RASGRF1: variants seen among roughly 807,000 people sequenced by gnomAD.
The protein encoded by RASGRF1 is Ras protein specific guanine nucleotide releasing factor 1, also known as ras-specific guanine nucleotide-releasing factor 1.
RASGRF1 carries 40 observed loss-of-function variants against 138.7 expected under a neutral mutation model. The observed-to-expected ratio is 0.29, with a 90% CI of 0.22 to 0.38. The LOEUF is 0.38. Among genes scored for constraint, RASGRF1 ranks in the 10% least tolerant of loss-of-function variants. The pLI is 1.00. For synonymous variants in RASGRF1, 614 were observed against 663.2 expected (o/e 0.93, Z 1.14); for missense variants, 1,108 against 1,650.4 (o/e 0.67, Z 5.69).
intron 26 of RASGRF1, among the ~76,000 whole-genome samples, chr15:78,965,516 T>C (rs962412808): frequency 6.6e-6 from 1 of 152,196 alleles, no homozygotes; most frequent in Admixed American, 6.5e-5. Context: ...GGTTGTCATA[T>C]TTAATCATCA....
At chr15:78,968,843 C>T (rs930078160) in intron 26 of RASGRF1, among the ~76,000 whole-genome samples, 3 of 152,150 alleles carry the variant, frequency 2.0e-5, no homozygotes, top group African/African-American at 4.8e-5. Context: ...GCAAGAATCC[C>T]CCCACCTTGA....
chr15:79,044,562 T>C (rs922686333), intron 5 of RASGRF1, among the ~76,000 whole-genome samples: 3 of 152,212 alleles, frequency 2.0e-5, no homozygotes, highest in Admixed American at 6.5e-5. Flanking sequence ...TACCAACCCA[T>C]TCCTTCCATC....
At chr15:79,021,699 G>A (rs1183193897) in intron 10 of RASGRF1, among the ~76,000 whole-genome samples, 2 of 152,218 alleles carry the variant, frequency 1.3e-5, no homozygotes, top group Non-Finnish European at 1.5e-5. Flanking sequence ...GAGCCAGACT[G>A]GCTGGGTTCA....
chr15:78,972,054 G>A (rs1320224512), intron 25 of RASGRF1, 120 bp from the exon 26 acceptor site: 4 of 878,118 alleles, frequency 4.6e-6, no homozygotes, highest in Non-Finnish European at 7.8e-6. Context: ...TTCCATACAT[G>A]TTGCCTCCTG....
intron 12 of RASGRF1, 50 bp downstream of exon 12, chr15:79,017,720 G>C (rs1466699892): frequency 1.6e-5 from 25 of 1,554,248 alleles, no homozygotes; most frequent in Non-Finnish European, 2.1e-5. Context: ...CCCTGACCTG[G>C]TTAGGCATGA....
chr15:78,966,783 A>G (rs936444123), intron 26 of RASGRF1, among the ~76,000 whole-genome samples: 1 of 152,280 alleles, frequency 6.6e-6, no homozygotes, highest in African/African-American at 2.4e-5. Context: ...TGCAGCAGCC[A>G]TTAGCCACGT....
intron 24 of RASGRF1, among the ~76,000 whole-genome samples, chr15:78,974,857 G>A (rs2055841908): frequency 6.6e-6 from 1 of 152,134 alleles, no homozygotes. Context: ...AAGTAAGCTG[G>A]TTTTCCATTT....
At chr15:79,020,143 T>C in intron 10 of RASGRF1, 39 bp from the exon 11 acceptor site, 1 of 1,599,586 alleles carries the variant, frequency 6.3e-7, no homozygotes, top group Non-Finnish European at 8.6e-7. Flanking sequence ...GATTGAGGGG[T>C]AGATATGCTG....
At chr15:79,048,124 G>A (rs534311642) in intron 4 of RASGRF1, among the ~76,000 whole-genome samples, 1 of 152,300 alleles carries the variant, frequency 6.6e-6, no homozygotes, top group Admixed American at 6.5e-5. Context: ...GGGTGAGCTG[G>A]GAAGCTCACT....
At position 78,998,120 on chromosome 15, in the gene RASGRF1, C is replaced by G. The variant is rs753179886; in HGVS notation, c.2942G>C (p.Arg981Pro). The G allele has an allele frequency of 1.2e-6, 2 of 1,613,956 alleles. No homozygotes were observed. Among genetic ancestry groups the G allele is most frequent in the Non-Finnish European group, 1.7e-6 (2 of 1,179,924 alleles). The stretch of plus-strand genomic sequence containing the variant: ...CCTGATGATGTTGGCTGCAGCCTTC[C>G]GCTCCTGGGTCAGGAGCTCCGGGTC... ...MHDPELLTQE[R>P]KAAANIIRTL... The change falls in exon 19 of 27, where the codon CGG (arginine) becomes CCG (proline). Residue 981 changes from arginine to proline, a missense_variant. Coordinates refer to ENST00000558480, the MANE Select transcript of RASGRF1 (RefSeq NM_001145648.3).
intron 24 of RASGRF1, among the ~76,000 whole-genome samples, chr15:78,979,485 C>T (rs1019335139): frequency 1.3e-5 from 2 of 152,138 alleles, no homozygotes; most frequent in African/African-American, 2.4e-5. Context: ...GAACCGGGAC[C>T]CCAGGGATCT....
chr15:79,085,692 G>T (rs1157014397), intron 1 of RASGRF1, among the ~76,000 whole-genome samples: 1 of 152,142 alleles, frequency 6.6e-6, no homozygotes, highest in African/African-American at 2.4e-5. Context: ...AGAGTCCCAG[G>T]CTCTTCAGGA....
chr15:78,968,878 C>T lies in RASGRF1; in HGVS notation c.3681+2988G>A, dbSNP rs185123061. ...ATATCTGCTCAAATTCTTCATTCTC[C>T]ACCCCTGATACCCGAAGTCTTTGGC... On this transcript the variant is annotated intron_variant, in intron 26 of 26. Coordinates refer to ENST00000558480, the MANE Select transcript of RASGRF1 (RefSeq NM_001145648.3). Among the ~76,000 whole-genome samples, 189 of 152,272 alleles carry T rather than the reference C, an allele frequency of 1.2e-3. 1 individual carries two copies. The highest frequency in any genetic ancestry group is 4.2e-3 in the African/African-American group (174 of 41,544).
intron 24 of RASGRF1, among the ~76,000 whole-genome samples, chr15:78,976,218 G>A (rs781500452): frequency 4.6e-5 from 7 of 152,082 alleles, no homozygotes; most frequent in Non-Finnish European, 1.0e-4. Flanking sequence ...TGGTGGATTT[G>A]CAATCGAATC....
In RASGRF1 at chr15:78,998,126, T is replaced by C. The variant is rs1450896371; in HGVS notation, c.2936A>G (p.Gln979Arg). The C allele has an allele frequency of 6.2e-7, 1 of 1,614,198 alleles. No homozygotes were observed. Among genetic ancestry groups the C allele is most frequent in the Non-Finnish European group, 8.5e-7 (1 of 1,180,008 alleles). Residue 979 changes from glutamine (Q) to arginine (R), a missense_variant, in exon 19 of 27, where the codon CAG (glutamine) becomes CGG (arginine). By Grantham distance (43) the Gln-to-Arg change is conservative (BLOSUM62 1). Coordinates refer to ENST00000558480, the MANE Select transcript of RASGRF1 (RefSeq NM_001145648.3). ...EVMHDPELLT[Q>R]ERKAAANIIR... ...GATGTTGGCTGCAGCCTTCCGCTCC[T>C]GGGTCAGGAGCTCCGGGTCGTGCAT...
intron 22 of RASGRF1, among the ~76,000 whole-genome samples, chr15:78,986,330 CT>C (rs1266516443): frequency 6.6e-6 from 1 of 151,188 alleles, no homozygotes; most frequent in Non-Finnish European, 1.5e-5. Flanking sequence ...CTGGTACATT[CT>C]TTTGCAACTT....
intron 26 of RASGRF1, among the ~76,000 whole-genome samples, chr15:78,966,667 C>T (rs8039661): frequency 0.33 from 49,812 of 151,896 alleles, 9,766 homozygotes; most frequent in South Asian, 0.59. Flanking sequence ...TAGCATTAAA[C>T]GGTTCATAAT....
chr15:79,001,371 C>T lies in RASGRF1; in HGVS notation c.2575+291G>A, dbSNP rs374737966. Among the ~76,000 whole-genome samples the T allele has an allele frequency of 3.1e-3, 467 of 152,280 alleles. 3 individuals are homozygous for T. Among genetic ancestry groups the T allele is most frequent in the African/African-American group, 0.011 (445 of 41,546 alleles). ...AGCCCTAGATGCTGAGCCTCCCTGC[C>T]CACCTGTGCTGGGTGGGCTCAAGGC... On this transcript the variant is annotated intron_variant, in intron 16 of 26. Transcript: ENST00000558480.
intron 9 of RASGRF1, 78 bp from the exon 10 acceptor site, chr15:79,025,552 T>A: frequency 6.7e-7 from 1 of 1,495,992 alleles, no homozygotes. Flanking sequence ...AAGGTTGAGA[T>A]GCTGGGGCAG....
Sources: allele counts gnomAD v4.1 joint callset (sites outside exome capture counted in the v4.1 genomes callset), GRCh38; gene constraint gnomAD v4.1.1; transcripts MANE v1.5; gene names NCBI Gene and HGNC (gene_info 2026-07-23, HGNC 2026-07-21).